The following SCRIB variants were observed in gnomAD, a reference collection of about 807,000 sequenced individuals.
SCRIB encodes protein scribble homolog.
In SCRIB, 72 loss-of-function variants were observed where a neutral mutation model predicts 170.0. That is an observed-to-expected ratio of 0.42 (90% CI 0.35 to 0.52). The LOEUF is 0.52. SCRIB is among the 20% of genes least tolerant of loss of function. The pLI, the probability that SCRIB is intolerant of heterozygous loss-of-function variation, is 0.02. For synonymous variants in SCRIB, 1,298 were observed against 1,044.3 expected (o/e 1.24, Z -4.68); for missense variants, 2,475 against 2,338.5 (o/e 1.06, Z -1.20).
intron 24 of SCRIB, among the ~76,000 whole-genome samples, chr8:143,800,701 C>G (rs1321281050): frequency 6.6e-6 from 1 of 152,226 alleles, no homozygotes; most frequent in Non-Finnish European, 1.5e-5. Context: ...ATGACAAAAC[C>G]CCGTTTCTAC....
Position 143,803,933 on chromosome 8 carries a change from G to T in SCRIB, c.3128C>A (p.Pro1043Gln). Residue 1043 changes from proline (P) to glutamine (Q), a missense_variant, in exon 23 of 37, where the codon CCG becomes CAG. Pro to Gln is a moderately conservative substitution (Grantham distance 76). This residue lies in a region of SCRIB where 1,966 missense variants were observed against 1,742.9 expected (regional missense o/e 1.13). Transcript: ENST00000356994. Reference protein sequence around the residue: ...EPGVFISKVLPRGLAARSGLR... With the variant: ...EPGVFISKVLQRGLAARSGLR... ...GCCGCTGCGAGCGGCCAGGCCCCGC[G>T]GGAGCACCTGTCAGGGAGGAGGGTG... is the stretch of plus-strand genomic sequence containing the variant. 6.3e-7 allele frequency: 1 copy of T among 1,580,698 alleles called. No individual in the cohort carries two copies. The highest frequency in any genetic ancestry group is 8.6e-7 in the Non-Finnish European group (1 of 1,161,928).
At position 143,812,857 on chromosome 8, in the gene SCRIB, C is replaced by A; in HGVS notation, c.747G>T (p.Leu249=). ...GCCTCCGCAGCAGGTTCTGGGACAGCAGCAGGTCAGTGAGCAGCACCAGCC... is the reference window on the plus strand; with the variant it reads ...GCCTCCGCAGCAGGTTCTGGGACAGAAGCAGGTCAGTGAGCAGCACCAGCC... ...LGGLVLLTDL[L]LSQNLLRRLP... Residue 249 remains leucine (L), a synonymous_variant, in exon 8 of 37, where the codon CTG becomes CTT. Coordinates refer to ENST00000356994, the MANE Select transcript of SCRIB (RefSeq NM_182706.5). 6.2e-7 allele frequency: 1 copy of A among 1,606,208 alleles called. No individual in the cohort carries two copies. The highest frequency in any genetic ancestry group is 8.5e-7 in the Non-Finnish European group (1 of 1,179,816).
chr8:143,813,786 C>T (rs1299908696), intron 3 of SCRIB, 32 bp downstream of exon 3: 4 of 1,608,914 alleles, frequency 2.5e-6, no homozygotes, highest in South Asian at 1.1e-5. Flanking sequence ...GACCCATAGC[C>T]CCTACCGACC....
rs1815689473 is a variant in SCRIB at position 143,810,981 on chromosome 8, T to C, written c.1198A>G (p.Thr400Ala). 6.2e-7 allele frequency: 1 copy of C among 1,611,590 alleles called. No individual in the cohort carries two copies. The highest frequency in any genetic ancestry group is 1.3e-5 in the African/African-American group (1 of 74,896). ...TCGCCGGTCCGGGCATCATCCTCCG[T>C]CTGGAACCGGAGCATGGGCTGCGCC... is the stretch of plus-strand genomic sequence containing the variant. ...NQAQPMLRFQ[T>A]EDDARTGEKV... Residue 400 changes from threonine to alanine, a missense_variant, in exon 11 of 37, where the codon ACG becomes GCG. Coordinates refer to ENST00000356994, the MANE Select transcript of SCRIB (RefSeq NM_182706.5).
chr8:143,805,700 C>G (rs1250354856), intron 18 of SCRIB, among the ~76,000 whole-genome samples: 1 of 152,236 alleles, frequency 6.6e-6, no homozygotes, highest in Non-Finnish European at 1.5e-5. Context: ...GCAGATGCCC[C>G]CACGGCCAGG....
intron 15 of SCRIB, 30 bp downstream of exon 15, chr8:143,808,579 G>C (rs1460264790): frequency 2.7e-6 from 4 of 1,494,648 alleles, no homozygotes; most frequent in Non-Finnish European, 2.7e-6. Flanking sequence ...AGGGGAATCT[G>C]GGTCAGGCAG....
rs750040581 is a variant in SCRIB at position 143,810,781 on chromosome 8, A to G, written c.1309T>C (p.Trp437Arg). Residue 437 changes from tryptophan (W) to arginine (R), a missense_variant, in exon 12 of 37, where the codon TGG becomes CGG. Trp to Arg is a moderately radical substitution (Grantham distance 101). This residue lies in a region of SCRIB where 1,966 missense variants were observed against 1,742.9 expected (regional missense o/e 1.13). Transcript: ENST00000356994. ...AGQQGSLSET[W>R]SDAPPSRVSV... The stretch of plus-strand genomic sequence containing the variant: ...ACGCGGCTCGGCGGGGCATCGCTCC[A>G]GGTCTCCGAGAGGCTCCCCTGCTGC... 1 of 1,604,304 alleles carries G rather than the reference A, an allele frequency of 6.2e-7. No homozygotes were observed. The highest frequency in any genetic ancestry group is 8.5e-7 in the Non-Finnish European group (1 of 1,177,680).
chr8:143,793,019 G>C lies in SCRIB; in HGVS notation c.3974C>G (p.Ala1325Gly). The change falls in exon 29 of 37, where the codon GCG (alanine) becomes GGG (glycine). Residue 1325 changes from alanine (A) to glycine (G), a missense_variant. Physicochemically the swap from Ala to Gly is moderately conservative, Grantham distance 60. Transcript: ENST00000356994. ...AGGCGGGTGAGAAGTGGGCACGGCC[G>C]CGAAGGCCCTGTAGGCCTGCTTCAC... is the stretch of plus-strand genomic sequence containing the variant. ...ANVKQAYRAF[A>G]AVPTSHPPED... 1 of 1,515,124 alleles carries C rather than the reference G, an allele frequency of 6.6e-7. No homozygotes were observed. The highest frequency in any genetic ancestry group is 8.8e-7 in the Non-Finnish European group (1 of 1,130,150). The allele number at this position is 1,515,124 out of a possible 1,614,324, so 93.9% of individuals were successfully genotyped here.
rs932163030 is a variant in SCRIB at position 143,813,411 on chromosome 8, C to T, written c.504-37G>A. On this transcript the variant is annotated intron_variant, in intron 5 of 36. Coordinates refer to ENST00000356994, the MANE Select transcript of SCRIB (RefSeq NM_182706.5). ...GCAGGGTGGAGGTGTGGCCACGCAG[C>T]CCTGGTCCCTGGGCTGTGGCCCTGC... 4 of 1,613,184 alleles carry T rather than the reference C, an allele frequency of 2.5e-6. No individual in the cohort carries two copies. The Admixed American group carries it at 6.7e-5, about 27-fold the overall frequency.
Position 143,803,742 on chromosome 8 carries a change from G to A in SCRIB, c.3319C>T (p.Pro1107Ser). ...ATGCTGATGCCCAGCCTCTCCCCAG[G>A]TGCCTTCTGGATGCACAGTTCCCGT... ...GLRELCIQKAPGERLGISIRG... is the reference protein window; with the variant it reads ...GLRELCIQKASGERLGISIRG... The change falls in exon 23 of 37, where the codon CCT (proline) becomes TCT (serine). Residue 1107 changes from proline to serine, a missense_variant. Physicochemically the swap from Pro to Ser is moderately conservative, Grantham distance 74. Transcript: ENST00000356994. The A allele has an allele frequency of 2.5e-6, 4 of 1,599,546 alleles. No individual in the cohort carries two copies. Among genetic ancestry groups the A allele is most frequent in the East Asian group, 2.2e-5 (1 of 44,720 alleles).
chr8:143,809,741 G>C, intron 13 of SCRIB, 23 bp from the exon 14 acceptor site: 1 of 1,597,642 alleles, frequency 6.3e-7, no homozygotes, highest in South Asian at 1.1e-5. Context: ...GTGGGGTCAG[G>C]CTTCGACGGA....
At position 143,795,057 on chromosome 8, in the gene SCRIB, C is replaced by T; in HGVS notation, c.3827G>A (p.Ser1276Asn). The T allele has an allele frequency of 6.2e-7, 1 of 1,611,150 alleles. No homozygotes were observed. The highest frequency in any genetic ancestry group is 1.1e-5 in the South Asian group (1 of 90,964). ...ACTCACCCTCTGCACGCTGCCAGCG[C>T]TGGGCACGGCGGCCAGGGCGCGGTA... The part of the protein sequence containing the change: ...LDYRALAAVP[S>N]AGSVQRVPSG... The change falls in exon 27 of 37, where the codon AGC (serine) becomes AAC (asparagine). Residue 1276 changes from serine to asparagine, a missense_variant. Physicochemically the swap from Ser to Asn is conservative, Grantham distance 46. Around this residue, in one of 3 missense-constraint regions of SCRIB, gnomAD observed 1,966 missense variants for 1,742.9 expected, o/e 1.13. Transcript: ENST00000356994.
Position 143,792,907 on chromosome 8 carries a change from C to T in SCRIB, c.4018-40G>A, listed in dbSNP as rs374334968. 3.9e-5 allele frequency: 59 copies of T among 1,501,084 alleles called. No individual in the cohort carries two copies. The Middle Eastern group carries it at 5.3e-4, about 14-fold the overall frequency. The allele number at this position is 1,501,084 out of a possible 1,614,324, so 93.0% of individuals were successfully genotyped here. ...CCTTGAGGTTTGGCTGGCATTCCTC[C>T]GAGATACTGGGGCCCCCGGGCACCC... On this transcript the variant is annotated intron_variant, in intron 29 of 36. Coordinates refer to ENST00000356994, the MANE Select transcript of SCRIB (RefSeq NM_182706.5).
At chr8:143,807,661 A>T (rs199798367) in intron 15 of SCRIB, 47 bp from the exon 16 acceptor site, 1 of 1,425,244 alleles carries the variant, frequency 7.0e-7, no homozygotes, top group African/African-American at 1.4e-5. Context: ...CACCGCCAAG[A>T]CCACCACCAC....
In SCRIB at chr8:143,811,163, C is replaced by T. The variant is rs766920160; in HGVS notation, c.1089G>A (p.Leu363=). The T allele has an allele frequency of 3.1e-6, 5 of 1,608,154 alleles. No individual in the cohort carries two copies. The highest frequency in any genetic ancestry group is 1.7e-4 in the Middle Eastern group (1 of 6,054). The part of the protein sequence containing the change: ...ELAHTTELHV[L]DVAGNRLQSL... The stretch of plus-strand genomic sequence containing the variant: ...GCACTCACCGGTTCCCCGCCACGTC[C>T]AGCACGTGCAGCTCTGTCGTGTGGG... Residue 363 remains leucine, a synonymous_variant, in exon 10 of 37, where the codon CTG becomes CTA. Transcript: ENST00000356994.
chr8:143,812,245 G>T, intron 9 of SCRIB, 21 bp downstream of exon 9: 1 of 1,498,148 alleles, frequency 6.7e-7, no homozygotes, highest in Non-Finnish European at 9.3e-7. Flanking sequence ...CATCCTTTCT[G>T]CCTCCCAAGC....
At chr8:143,801,902 G>A (rs1186464210) in intron 24 of SCRIB, among the ~76,000 whole-genome samples, 3 of 152,186 alleles carry the variant, frequency 2.0e-5, no homozygotes, top group Non-Finnish European at 4.4e-5. Context: ...GTCACGGCAG[G>A]CTCGTGGGGG....
intron 26 of SCRIB, 45 bp from the exon 27 acceptor site, chr8:143,795,157 C>G (rs1554633832): frequency 6.2e-7 from 1 of 1,601,528 alleles, no homozygotes; most frequent in Non-Finnish European, 8.5e-7. Context: ...AGCTCCGTGG[C>G]AGCACCCGGC....
Position 143,813,086 on chromosome 8 carries a change from G to C in SCRIB, c.586C>G (p.Leu196Val). 6.3e-7 allele frequency: 1 copy of C among 1,579,890 alleles called. No individual in the cohort carries two copies. The highest frequency in any genetic ancestry group is 8.6e-7 in the Non-Finnish European group (1 of 1,161,458). Reference protein sequence around the residue: ...LEVLPDTLGALPNLRELWLDR... With the variant: ...LEVLPDTLGAVPNLRELWLDR... ...AGCCACAGCTCCCGAAGATTGGGCA[G>C]AGCCCCCAGAGTGTCTGGCTGCAAG... The change falls in exon 7 of 37, where the codon CTG becomes GTG. Residue 196 changes from leucine to valine, a missense_variant. Leu to Val is a conservative substitution (Grantham distance 32). This residue lies in a region of SCRIB where 487 missense variants were observed against 558.1 expected (regional missense o/e 0.87). Coordinates refer to ENST00000356994, the MANE Select transcript of SCRIB (RefSeq NM_182706.5).
Sources: gnomAD v4.1 joint callset for allele counts (sites outside exome capture counted in the v4.1 genomes callset) on GRCh38, gnomAD v4.1.1 for gene constraint, gnomAD v4.1.1 regional missense constraint, MANE v1.5 for transcripts, NCBI Gene and HGNC (gene_info 2026-07-23, HGNC 2026-07-21) for gene names.